SORCS3: variants seen among roughly 807,000 people sequenced by gnomAD.
The protein encoded by SORCS3 is sortilin related VPS10 domain containing receptor 3.
A neutral mutation model predicts 146.3 loss-of-function variants in SORCS3; 57 were observed. The ratio of observed to expected loss-of-function variants is 0.39; its 90% CI spans 0.31 to 0.49. The LOEUF (loss-of-function observed/expected upper bound fraction) is 0.49. SORCS3 is among the 20% of genes least tolerant of loss of function. The probability of loss-of-function intolerance (pLI) is 0.92; values close to 1 mark genes in which losing one functional copy is unlikely to be tolerated. For missense variants in SORCS3, 1,341 were observed against 1,575.5 expected, an observed-to-expected ratio of 0.85 and a Z score of 2.52; for synonymous variants, 653 against 618.5, an observed-to-expected ratio of 1.06 and a Z score of -0.83.
intron 7 of SORCS3, among the ~76,000 whole-genome samples, chr10:105,107,668 G>T (rs1443725218): frequency 1.3e-5 from 2 of 152,162 alleles, no homozygotes; most frequent in Admixed American, 6.5e-5. Context: ...GAGGTCCCCT[G>T]TTCTAGGTGC....
At chr10:104,751,484 A>T (rs2133468831) in intron 1 of SORCS3, among the ~76,000 whole-genome samples, 1 of 152,302 alleles carries the variant, frequency 6.6e-6, no homozygotes, top group South Asian at 2.1e-4. Flanking sequence ...TCTCATCCAG[A>T]TGAAACAAAA....
chr10:105,135,769 C>G (rs531270217), intron 7 of SORCS3, among the ~76,000 whole-genome samples: 1 of 152,286 alleles, frequency 6.6e-6, no homozygotes, highest in East Asian at 1.9e-4. Context: ...AGTTTTTTGC[C>G]GCTTTATAGC....
intron 5 of SORCS3, among the ~76,000 whole-genome samples, chr10:105,063,685 T>G (rs1288100717): frequency 6.6e-6 from 1 of 152,200 alleles, no homozygotes; most frequent in Non-Finnish European, 1.5e-5. Context: ...TTGCAAGGTA[T>G]TTCCACCAGA....
intron 2 of SORCS3, among the ~76,000 whole-genome samples, chr10:104,874,436 T>C (rs1243748650): frequency 1.3e-5 from 2 of 152,144 alleles, no homozygotes; most frequent in African/African-American, 4.8e-5. Context: ...ATAGGCCTTA[T>C]TGCCCTCTGC....
chr10:104,906,093 G>T (rs1223180578), intron 2 of SORCS3, among the ~76,000 whole-genome samples: 4 of 152,154 alleles, frequency 2.6e-5, no homozygotes, highest in Non-Finnish European at 5.9e-5. Flanking sequence ...AGACATAATT[G>T]TGCACATGTC....
intron 3 of SORCS3, among the ~76,000 whole-genome samples, chr10:104,953,186 T>A (rs1387105604): frequency 6.6e-6 from 1 of 152,238 alleles, no homozygotes; most frequent in Non-Finnish European, 1.5e-5. Context: ...AGTTTTCTTC[T>A]GCAGTGTTTA....
chr10:104,924,427 G>A (rs961426354), intron 3 of SORCS3, among the ~76,000 whole-genome samples: 16 of 152,198 alleles, frequency 1.1e-4, no homozygotes, highest in African/African-American at 3.6e-4. Flanking sequence ...CCTGCTGAAT[G>A]TCAGTTGTGT....
chr10:104,828,467 CA>C (rs1392295176), intron 1 of SORCS3, among the ~76,000 whole-genome samples: 1 of 151,706 alleles, frequency 6.6e-6, no homozygotes, highest in Non-Finnish European at 1.5e-5. Flanking sequence ...TCATGGTGCC[CA>C]AAAAACAATT....
chr10:104,777,201 A>G (rs1474752947), intron 1 of SORCS3, among the ~76,000 whole-genome samples: 1 of 152,152 alleles, frequency 6.6e-6, no homozygotes, highest in Non-Finnish European at 1.5e-5. Context: ...CTCTGAAGAT[A>G]TTCCTGTTTA....
At chr10:105,245,095 C>CCTA (rs1466150401) in intron 20 of SORCS3, among the ~76,000 whole-genome samples, 1 of 147,166 alleles carries the variant, frequency 6.8e-6, no homozygotes, top group Non-Finnish European at 1.5e-5. Context: ...AGACAGTGTG[C>CCTA]TTAGGGTGGG....
intron 20 of SORCS3, among the ~76,000 whole-genome samples, chr10:105,232,444 C>G (rs964336015): frequency 2.0e-5 from 3 of 151,922 alleles, no homozygotes; most frequent in African/African-American, 7.3e-5. Context: ...TCTTAATTAG[C>G]CTGGCCAGAG....
At chr10:104,930,591 T>TG (rs1228775411) in intron 3 of SORCS3, among the ~76,000 whole-genome samples, 1 of 152,194 alleles carries the variant, frequency 6.6e-6, no homozygotes, top group Non-Finnish European at 1.5e-5. Context: ...CCGGGGTTGA[T>TG]GGGGGCAGTA....
intron 1 of SORCS3, among the ~76,000 whole-genome samples, chr10:104,797,934 GA>G (rs1218399565): frequency 6.6e-6 from 1 of 152,158 alleles, no homozygotes; most frequent in Non-Finnish European, 1.5e-5. Context: ...CAGAGCTACT[GA>G]ATTAGCATTT....
At chr10:104,816,404 T>G (rs764197774) in intron 1 of SORCS3, among the ~76,000 whole-genome samples, 4 of 152,232 alleles carry the variant, frequency 2.6e-5, no homozygotes, top group Non-Finnish European at 4.4e-5. Context: ...GTCCTTGTAT[T>G]TCAGAGATCA....
intron 20 of SORCS3, among the ~76,000 whole-genome samples, chr10:105,234,419 G>C (rs1173647380): frequency 2.0e-5 from 3 of 151,752 alleles, no homozygotes; most frequent in African/African-American, 7.3e-5. Flanking sequence ...GTGGTTTGGT[G>C]TCTGACATTA....
At chr10:105,073,827 G>T (rs2055572749) in intron 5 of SORCS3, among the ~76,000 whole-genome samples, 1 of 152,166 alleles carries the variant, frequency 6.6e-6, no homozygotes, top group Non-Finnish European at 1.5e-5. Flanking sequence ...TTGTTTGAAG[G>T]AACAGGGAAC....
At chr10:104,857,272 G>T (rs958147882) in intron 2 of SORCS3, among the ~76,000 whole-genome samples, 1 of 152,020 alleles carries the variant, frequency 6.6e-6, no homozygotes, top group Non-Finnish European at 1.5e-5. Context: ...GAAGACTTTG[G>T]TGCCAGACTG....
intron 6 of SORCS3, among the ~76,000 whole-genome samples, chr10:105,098,527 A>G (rs1368302388): frequency 6.6e-6 from 1 of 152,156 alleles, no homozygotes; most frequent in African/African-American, 2.4e-5. Context: ...GGTTAGAATC[A>G]CAGGTACTGG....
intron 7 of SORCS3, among the ~76,000 whole-genome samples, chr10:105,122,271 AT>A (rs2055939162): frequency 1.3e-5 from 2 of 152,232 alleles, no homozygotes; most frequent in South Asian, 4.1e-4. Context: ...CACTCTGCCT[AT>A]AACTCTATGA....
Sources: gnomAD v4.1 joint callset for allele counts (sites outside exome capture counted in the v4.1 genomes callset) on GRCh38, gnomAD v4.1.1 for gene constraint, MANE v1.5 for transcripts, NCBI Gene and HGNC (gene_info 2026-07-23, HGNC 2026-07-21) for gene names.